UBXN7: variants seen among roughly 807,000 people sequenced by gnomAD.
The protein encoded by UBXN7 is UBX domain protein 7.
In UBXN7, 9 loss-of-function variants were observed where a neutral mutation model predicts 58.0. The observed-to-expected ratio is 0.16, with a 90% CI of 0.09 to 0.27. The LOEUF is 0.27. Ranked by LOEUF, UBXN7 falls within the 10% of genes least tolerant of loss-of-function variation. The pLI is 1.00. For missense variants in UBXN7, 328 were observed against 599.6 expected (o/e 0.55, Z 4.73); for synonymous variants, 208 against 205.0 (o/e 1.01, Z -0.12).
At chr3:196,420,024 G>C (rs1730630205) in intron 1 of UBXN7, among the ~76,000 whole-genome samples, 1 of 152,048 alleles carries the variant, frequency 6.6e-6, no homozygotes, top group Non-Finnish European at 1.5e-5. Flanking sequence ...GTAAGTGAGG[G>C]AACAGTGATA....
In UBXN7 at chr3:196,382,844, A is replaced by G. The variant is rs180676807; in HGVS notation, c.468+8969T>C. On this transcript the variant is annotated intron_variant, in intron 5 of 10. Coordinates refer to ENST00000296328, the MANE Select transcript of UBXN7 (RefSeq NM_015562.2). ...AAAAATGCAGGGGTTGGCCGGGCAC[A>G]ATGGCTCATGCCTGTAATCCCAGCA... Among the ~76,000 whole-genome samples, 157 of 152,232 alleles carry G rather than the reference A, an allele frequency of 1.0e-3. 1 individual carries two copies. In the East Asian group the frequency reaches 0.028, roughly 27 times the overall value.
intron 1 of UBXN7, among the ~76,000 whole-genome samples, chr3:196,424,421 GTC>G (rs947592198): frequency 7.6e-6 from 1 of 131,174 alleles, no homozygotes; most frequent in Non-Finnish European, 1.6e-5. Flanking sequence ...AAGAGACAAG[GTC>G]TCTCTCTGTC....
intron 5 of UBXN7, among the ~76,000 whole-genome samples, chr3:196,388,327 G>A (rs936703411): frequency 6.6e-6 from 1 of 150,970 alleles, no homozygotes; most frequent in Non-Finnish European, 1.5e-5. Context: ...GGGAGGGATA[G>A]CATTAGGAGA....
chr3:196,415,668 A>T (rs941777159), intron 1 of UBXN7, among the ~76,000 whole-genome samples: 1 of 151,620 alleles, frequency 6.6e-6, no homozygotes, highest in Non-Finnish European at 1.5e-5. Flanking sequence ...TGTAATCCCA[A>T]CTACTCGGGA....
At position 196,355,299 on chromosome 3, in the gene UBXN7, T is replaced by C. The variant is rs1728314980; in HGVS notation, c.*1386A>G. 2 of 152,202 alleles carry C rather than the reference T, an allele frequency of 1.3e-5. No individual in the cohort carries two copies. Among genetic ancestry groups the C allele is most frequent in the Non-Finnish European group, 2.9e-5 (2 of 68,032 alleles). The allele number at this position is 152,202 out of a possible 1,614,324, so 9.4% of individuals were successfully genotyped here. ...ACTACCCCCCCTTCAGAGGACTCCA[T>C]TTAAGCTCAAAATACGAAATGAGCA... On this transcript the variant is annotated 3_prime_UTR_variant, in exon 11 of 11. Transcript: ENST00000296328.
Position 196,356,485 on chromosome 3 carries a change from C to T in UBXN7, c.*200G>A, listed in dbSNP as rs533972912. On this transcript the variant is annotated 3_prime_UTR_variant, in exon 11 of 11. Coordinates refer to ENST00000296328, the MANE Select transcript of UBXN7 (RefSeq NM_015562.2). ...AGGCAGAAGGGTACGGAGTGGGGAG[C>T]GAGAAAACAGAAGAGGAGAAAGAAA... 262 of 530,266 alleles carry T rather than the reference C, an allele frequency of 4.9e-4. 2 individuals are homozygous for T. The highest frequency in any genetic ancestry group is 4.7e-3 in the South Asian group (168 of 35,694). The allele number at this position is 530,266 out of a possible 1,614,324, so 32.8% of individuals were successfully genotyped here.
At chr3:196,386,964 C>T (rs184496960) in intron 5 of UBXN7, among the ~76,000 whole-genome samples, 1 of 152,236 alleles carries the variant, frequency 6.6e-6, no homozygotes, top group East Asian at 1.9e-4. Context: ...TCAAACTATA[C>T]TACAAGGCTA....
intron 3 of UBXN7, 32 bp downstream of exon 3, chr3:196,402,920 C>A: frequency 6.3e-7 from 1 of 1,581,184 alleles, no homozygotes; most frequent in South Asian, 1.2e-5. Flanking sequence ...AGAACAAAAT[C>A]AAATAAGGCT....
chr3:196,394,595 C>T (rs1429280611), intron 3 of UBXN7, among the ~76,000 whole-genome samples: 1 of 150,696 alleles, frequency 6.6e-6, no homozygotes, highest in East Asian at 1.9e-4. Context: ...AAGAGTGAAA[C>T]TCCGTCTCAA....
At position 196,372,088 on chromosome 3, in the gene UBXN7, G is replaced by A; in HGVS notation, c.469-46C>T. On this transcript the variant is annotated intron_variant, in intron 5 of 10. Coordinates refer to ENST00000296328, the MANE Select transcript of UBXN7 (RefSeq NM_015562.2). ...ATTTGTTAGAAATAATTTCTACTTA[G>A]TGACAGATGTTTCCGTAGTTGTTCA... 4 of 1,543,676 alleles carry A rather than the reference G, an allele frequency of 2.6e-6. No individual in the cohort carries two copies. The Admixed American group carries it at 8.4e-5, about 32-fold the overall frequency.
At chr3:196,410,240 T>TA (rs889147458) in intron 1 of UBXN7, among the ~76,000 whole-genome samples, 1 of 152,108 alleles carries the variant, frequency 6.6e-6, no homozygotes, top group Non-Finnish European at 1.5e-5. Context: ...ACACTTGGCC[T>TA]AAAAAATGTT....
chr3:196,419,096 T>C (rs1449636171), intron 1 of UBXN7, among the ~76,000 whole-genome samples: 1 of 151,988 alleles, frequency 6.6e-6, no homozygotes, highest in African/African-American at 2.4e-5. Flanking sequence ...TGAAACCCCA[T>C]CTCTACTAAA....
intron 5 of UBXN7, among the ~76,000 whole-genome samples, chr3:196,378,062 AT>A (rs888131589): frequency 6.6e-6 from 1 of 152,176 alleles, no homozygotes; most frequent in African/African-American, 2.4e-5. Context: ...TATGTATTAT[AT>A]TCACTGTTAT....
intron 5 of UBXN7, among the ~76,000 whole-genome samples, chr3:196,385,335 G>A (rs1023467072): frequency 1.5e-4 from 23 of 152,176 alleles, no homozygotes; most frequent in Non-Finnish European, 2.6e-4. Flanking sequence ...GTGCAGTGGC[G>A]TGATCTCGGC....
At chr3:196,381,119 AGAGCAGTGGTTCTCC>A (rs1159892785) in intron 5 of UBXN7, among the ~76,000 whole-genome samples, 1 of 152,252 alleles carries the variant, frequency 6.6e-6, no homozygotes, top group African/African-American at 2.4e-5. Flanking sequence ...AGCTCTGAAG[AGAGCAGTGGTTCTCC>A]CAGCATGGTG....
At position 196,403,017 on chromosome 3, in the gene UBXN7, T is replaced by C. The variant is rs781030833; in HGVS notation, c.224A>G (p.Glu75Gly). The C allele has an allele frequency of 1.7e-5, 27 of 1,589,106 alleles. No individual in the cohort carries two copies. Reference sequence around the variant, plus strand: ...TTGAGGAATTGGGGCACGAACTTCTTCTCTATTAAAAAAAAATGGGAAAAT... The same window carrying C: ...TTGAGGAATTGGGGCACGAACTTCTCCTCTATTAAAAAAAAATGGGAAAAT... ...SVSTVRPHTE[E>G]EVRAPIPQKQ... is the part of the protein sequence containing the mutation. Residue 75 changes from glutamate (E) to glycine (G), a missense_variant and splice_region_variant, in exon 3 of 11, where the codon GAA (glutamate) becomes GGA (glycine). This residue lies in a region of UBXN7 where 106 missense variants were observed against 124.3 expected (regional missense o/e 0.85). Transcript: ENST00000296328.
In UBXN7 at chr3:196,350,784, T is replaced by C. The variant is rs1728191382; in HGVS notation, c.*5901A>G. Reference sequence around the variant, plus strand: ...GATATATTGGTATGGTATTCTCTGTTGGGTTATCTGCAGTTCTAAAGAACA... The same window carrying C: ...GATATATTGGTATGGTATTCTCTGTCGGGTTATCTGCAGTTCTAAAGAACA... On this transcript the variant is annotated 3_prime_UTR_variant, in exon 11 of 11. Transcript: ENST00000296328. 6.6e-6 allele frequency: 1 copy of C among 152,238 alleles called. No individual in the cohort carries two copies. The allele number at this position is 152,238 out of a possible 1,614,324, so 9.4% of individuals were successfully genotyped here. A position where few individuals can be genotyped will look rare whatever the true frequency, so the allele number is the denominator to read the frequency against.
Position 196,431,664 on chromosome 3 carries a change from T to A in UBXN7, c.73+663A>T, listed in dbSNP as rs1320195307. ...CCTGGATTCTTCCAGGCCTCCCCTATTCAGCTTGGGGGTTCCCCCTCATTC... is the reference window on the plus strand; with the variant it reads ...CCTGGATTCTTCCAGGCCTCCCCTAATCAGCTTGGGGGTTCCCCCTCATTC... On this transcript the variant is annotated intron_variant, in intron 1 of 10. Coordinates refer to ENST00000296328, the MANE Select transcript of UBXN7 (RefSeq NM_015562.2). The A allele has an allele frequency of 1.2e-5, 3 of 248,060 alleles. No homozygotes were observed. The Admixed American group carries it at 1.7e-4, about 14-fold the overall frequency. 15.4% of individuals were successfully genotyped at this position (248,060 alleles called of 1,614,324 possible).
At chr3:196,411,457 A>T (rs1730322010) in intron 1 of UBXN7, among the ~76,000 whole-genome samples, 1 of 152,234 alleles carries the variant, frequency 6.6e-6, no homozygotes, top group Admixed American at 6.5e-5. Flanking sequence ...TAGCAAATGG[A>T]TACGCTGGAT....
Sources: gnomAD v4.1 joint callset for allele counts (sites outside exome capture counted in the v4.1 genomes callset) on GRCh38, gnomAD v4.1.1 for gene constraint, gnomAD v4.1.1 regional missense constraint, MANE v1.5 for transcripts, NCBI Gene and HGNC (gene_info 2026-07-23, HGNC 2026-07-21) for gene names.